COL15A1: variants seen among roughly 807,000 people sequenced by gnomAD.
COL15A1 encodes collagen type XV alpha 1 chain.
COL15A1 carries 111 observed loss-of-function variants against 165.9 expected under a neutral mutation model. The observed-to-expected ratio is 0.67, with a 90% CI of 0.57 to 0.78. COL15A1 has a LOEUF of 0.78. Ranked by LOEUF, COL15A1 falls within the 30% of genes least tolerant of loss-of-function variation. The probability of loss-of-function intolerance (pLI) is 0.00; values close to 1 mark genes in which losing one functional copy is unlikely to be tolerated. For missense variants in COL15A1, 1,745 were observed against 1,789.7 expected (o/e 0.98, Z 0.45); for synonymous variants, 659 against 674.8 (o/e 0.98, Z 0.36).
chr9:99,049,704 A>C lies in COL15A1; in HGVS notation c.2808A>C (p.Leu936Phe). Reference protein sequence around the residue: ...PGVIMQGPPGLPGPPGPPGPP... With the variant: ...PGVIMQGPPGFPGPPGPPGPP... ...TCTTCCTTCAGGGCCCACCTGGCTT[A>C]CCTGGCCCTCCAGGCCCCCCTGGGC... Residue 936 changes from leucine (L) to phenylalanine (F), a missense_variant, in exon 29 of 42, where the codon TTA becomes TTC. Coordinates refer to ENST00000375001, the MANE Select transcript of COL15A1 (RefSeq NM_001855.5). 1 of 1,613,588 alleles carries C rather than the reference A, an allele frequency of 6.2e-7. No individual in the cohort carries two copies.
chr9:98,944,684 G>A (rs1837548874), intron 2 of COL15A1, among the ~76,000 whole-genome samples: 1 of 152,232 alleles, frequency 6.6e-6, no homozygotes, highest in South Asian at 2.1e-4. Context: ...GGACATCTGG[G>A]GCTTTTGCTG....
At chr9:99,019,838 T>G (rs1326940491) in intron 11 of COL15A1, among the ~76,000 whole-genome samples, 1 of 152,136 alleles carries the variant, frequency 6.6e-6, no homozygotes, top group Non-Finnish European at 1.5e-5. Context: ...ATTTTGCAGA[T>G]GAGGCCCAGA....
At position 98,985,556 on chromosome 9, in the gene COL15A1, TC is replaced by T. The variant is rs1220947010; in HGVS notation, c.101-6del. ...CTGTAAAGCGTGGCCTCTCTCTCCCTCCCTGCAGAGACTGCTTCCCAGGGTC... is the reference window on the plus strand; with the variant it reads ...CTGTAAAGCGTGGCCTCTCTCTCCCTCCTGCAGAGACTGCTTCCCAGGGTC... On this transcript the variant is annotated splice_region_variant and splice_polypyrimidine_tract_variant and intron_variant, in intron 2 of 41. Transcript: ENST00000375001. 1.9e-6 allele frequency: 3 copies of T among 1,609,092 alleles called. No homozygotes were observed. The highest frequency in any genetic ancestry group is 2.7e-5 in the African/African-American group (2 of 74,890).
At chr9:99,025,682 G>A (rs1439265812) in intron 15 of COL15A1, among the ~76,000 whole-genome samples, 1 of 152,138 alleles carries the variant, frequency 6.6e-6, no homozygotes, top group African/African-American at 2.4e-5. Flanking sequence ...TCCCCATAGA[G>A]GAGGAAATGT....
chr9:99,016,543 G>A (rs986384097), intron 11 of COL15A1, among the ~76,000 whole-genome samples: 38 of 152,194 alleles, frequency 2.5e-4, no homozygotes, highest in Non-Finnish European at 3.8e-4. Context: ...AAGCAAATCC[G>A]TTGATTTCTT....
At chr9:99,045,340 A>G (rs762429105) in intron 26 of COL15A1, among the ~76,000 whole-genome samples, 1 of 152,192 alleles carries the variant, frequency 6.6e-6, no homozygotes, top group Non-Finnish European at 1.5e-5. Context: ...CTGGTTGTGA[A>G]TATGCCACTC....
intron 16 of COL15A1, among the ~76,000 whole-genome samples, chr9:99,032,890 C>G (rs1391184072): frequency 6.6e-6 from 1 of 152,184 alleles, no homozygotes; most frequent in South Asian, 2.1e-4. Context: ...TTTATCATAA[C>G]CACTGTTTTT....
At chr9:99,033,731 T>C (rs1839249416) in intron 16 of COL15A1, among the ~76,000 whole-genome samples, 1 of 152,224 alleles carries the variant, frequency 6.6e-6, no homozygotes, top group African/African-American at 2.4e-5. Flanking sequence ...ACATAGTCTT[T>C]GATGGCTGGT....
intron 5 of COL15A1, 131 bp downstream of exon 5, chr9:98,989,389 T>TG (rs566092154): frequency 2.5e-4 from 179 of 720,162 alleles, no homozygotes; most frequent in African/African-American, 2.3e-3. Flanking sequence ...TTGACTCATC[T>TG]GGGGGGGTCA....
intron 3 of COL15A1, 97 bp downstream of exon 3, chr9:98,986,209 T>TTGAGGACATAAGAATA: frequency 1.0e-6 from 1 of 994,714 alleles, no homozygotes; most frequent in Non-Finnish European, 1.5e-6. Flanking sequence ...ATTTTATTCT[T>TTGAGGACATAAGAATA]ATGTCCTCAA....
chr9:99,031,800 T>C (rs1261745291), intron 16 of COL15A1, among the ~76,000 whole-genome samples: 1 of 152,228 alleles, frequency 6.6e-6, no homozygotes, highest in East Asian at 1.9e-4. Context: ...AAAAGTAATA[T>C]ATGAATATAG....
chr9:98,977,478 G>T (rs1464676780), intron 2 of COL15A1, among the ~76,000 whole-genome samples: 3 of 152,240 alleles, frequency 2.0e-5, no homozygotes, highest in Non-Finnish European at 4.4e-5. Flanking sequence ...GCAGGCCCAG[G>T]CGCAGCCGCG....
rs888360142 is a variant in COL15A1, at chr9:99,000,753, T to G, written c.953-86T>G. On this transcript the variant is annotated intron_variant, in intron 6 of 41. Transcript: ENST00000375001. ...CTGTGTCATGGTATCTGAACATCTTTCCAAGTTAGCTGGTGAAGAGATACC... is the reference window on the plus strand; with the variant it reads ...CTGTGTCATGGTATCTGAACATCTTGCCAAGTTAGCTGGTGAAGAGATACC... 14 of 751,472 alleles carry G rather than the reference T, an allele frequency of 1.9e-5. No individual in the cohort carries two copies. In the African/African-American group the frequency reaches 2.5e-4, roughly 13 times the overall value. 46.6% of individuals were successfully genotyped at this position (751,472 alleles called of 1,614,324 possible).
At chr9:98,988,636 A>C (rs1838358370) in intron 4 of COL15A1, among the ~76,000 whole-genome samples, 2 of 152,180 alleles carry the variant, frequency 1.3e-5, no homozygotes, top group African/African-American at 2.4e-5. Context: ...TAAAATGAAC[A>C]ACCAGGCTGG....
In COL15A1 at chr9:98,944,014, C is replaced by T; in HGVS notation, c.-48C>T. 1 of 1,612,686 alleles carries T rather than the reference C, an allele frequency of 6.2e-7. No individual in the cohort carries two copies. The highest frequency in any genetic ancestry group is 8.5e-7 in the Non-Finnish European group (1 of 1,179,178). On this transcript the variant is annotated 5_prime_UTR_variant, in exon 1 of 42. Coordinates refer to ENST00000375001, the MANE Select transcript of COL15A1 (RefSeq NM_001855.5). Reference sequence around the variant, plus strand: ...CTTCGTCCTCCGCTAAGCTCCAACGCTCTGCTCGACTAGCCGCGCGCCTTC... The same window carrying T: ...CTTCGTCCTCCGCTAAGCTCCAACGTTCTGCTCGACTAGCCGCGCGCCTTC...
At chr9:99,055,414 C>A (rs200653279) in intron 34 of COL15A1, 42 bp downstream of exon 34, 3 of 1,276,504 alleles carry the variant, frequency 2.4e-6, no homozygotes, top group South Asian at 1.2e-5. Flanking sequence ...CAAAGACTTA[C>A]AGCTTTCCCG....
intron 2 of COL15A1, among the ~76,000 whole-genome samples, chr9:98,977,465 C>G (rs1236132265): frequency 6.6e-6 from 1 of 152,248 alleles, no homozygotes; most frequent in Non-Finnish European, 1.5e-5. Flanking sequence ...GGGAAATGAG[C>G]CAGCAGGCCC....
rs773222829 is a variant in COL15A1, at chr9:98,987,381, A to T, written c.723+13A>T. On this transcript the variant is annotated intron_variant, in intron 4 of 41. Transcript: ENST00000375001. ...TGAAGAGTCCTCGGTGAGCTCCCCT[A>T]CTATCCCACAGTGGGCCCTGCAACC... The T allele has an allele frequency of 6.2e-7, 1 of 1,604,544 alleles. No individual in the cohort carries two copies. Among genetic ancestry groups the T allele is most frequent in the Non-Finnish European group, 8.5e-7 (1 of 1,175,272 alleles).
chr9:98,945,051 C>A (rs1837555682), intron 2 of COL15A1, among the ~76,000 whole-genome samples: 1 of 152,136 alleles, frequency 6.6e-6, no homozygotes, highest in Non-Finnish European at 1.5e-5. Context: ...TTTTACCTTC[C>A]TAGAAATGTT....
Sources: allele counts gnomAD v4.1 joint callset (sites outside exome capture counted in the v4.1 genomes callset), GRCh38; gene constraint gnomAD v4.1.1; transcripts MANE v1.5; gene names NCBI Gene and HGNC (gene_info 2026-07-23, HGNC 2026-07-21).